The following IGF2BP2 variants were observed in gnomAD, a reference collection of about 807,000 sequenced individuals.
IGF2BP2 encodes the protein insulin like growth factor 2 mRNA binding protein 2.
Under a neutral mutation model 75.8 loss-of-function variants are expected in IGF2BP2, and 17 were observed. That is an observed-to-expected ratio of 0.22 (90% CI 0.15 to 0.34). The LOEUF (loss-of-function observed/expected upper bound fraction) is 0.34. Ranked by LOEUF, IGF2BP2 falls within the 10% of genes least tolerant of loss-of-function variation. IGF2BP2 has a pLI of 1.00. For synonymous variants in IGF2BP2, 288 were observed against 295.6 expected, an observed-to-expected ratio of 0.97 and a Z score of 0.26; for missense variants, 516 against 772.4, an observed-to-expected ratio of 0.67 and a Z score of 3.93.
intron 2 of IGF2BP2, chr3:185,716,755 G>A (rs1395382756): frequency 3.8e-6 from 2 of 519,896 alleles, no homozygotes; most frequent in East Asian, 1.1e-4. Context: ...CAGAATGGAA[G>A]TGGGAGGACA....
intron 2 of IGF2BP2, among the ~76,000 whole-genome samples, chr3:185,768,509 G>T (rs1457561454): frequency 6.6e-6 from 1 of 152,050 alleles, no homozygotes; most frequent in Non-Finnish European, 1.5e-5. Context: ...TTTTTAAAAG[G>T]TCCTTTAATA....
chr3:185,738,361 C>A (rs1231212628), intron 2 of IGF2BP2, among the ~76,000 whole-genome samples: 1 of 152,116 alleles, frequency 6.6e-6, no homozygotes, highest in Non-Finnish European at 1.5e-5. Flanking sequence ...AATTACAGAA[C>A]TAATTATAGA....
intron 2 of IGF2BP2, among the ~76,000 whole-genome samples, chr3:185,713,100 G>A (rs1725052988): frequency 6.6e-6 from 1 of 151,180 alleles, no homozygotes. Context: ...GTGTGTGTGT[G>A]TGCAAGAGAC....
intron 2 of IGF2BP2, among the ~76,000 whole-genome samples, chr3:185,752,943 T>G (rs1438261740): frequency 1.3e-5 from 2 of 152,154 alleles, no homozygotes; most frequent in African/African-American, 2.4e-5. Context: ...AAGTAAGACA[T>G]ACAAATTATT....
At chr3:185,686,992 G>C in intron 7 of IGF2BP2, 65 bp downstream of exon 7, 2 of 1,560,996 alleles carry the variant, frequency 1.3e-6, no homozygotes, top group South Asian at 2.4e-5. Flanking sequence ...AACCTCTTGG[G>C]TTAAATGAGG....
chr3:185,824,761 G>C, intron 1 of IGF2BP2, 22 bp downstream of exon 1: 1 of 1,301,576 alleles, frequency 7.7e-7, no homozygotes, highest in Non-Finnish European at 9.9e-7. Context: ...GGCGGGGGGA[G>C]GGGGCCGCGC....
intron 10 of IGF2BP2, among the ~76,000 whole-genome samples, chr3:185,668,345 T>C (rs1717964151): frequency 6.6e-6 from 1 of 152,040 alleles, no homozygotes; most frequent in Admixed American, 6.6e-5. Context: ...AATATGATTG[T>C]ATATATGCCG....
intron 2 of IGF2BP2, among the ~76,000 whole-genome samples, chr3:185,752,578 AAG>A (rs1731100363): frequency 2.0e-5 from 3 of 152,136 alleles, no homozygotes; most frequent in Non-Finnish European, 4.4e-5. Flanking sequence ...TAAAGGTAGT[AAG>A]AGCATAATTT....
chr3:185,793,700 T>A (rs7634540), intron 2 of IGF2BP2, among the ~76,000 whole-genome samples: 7,686 of 152,256 alleles, frequency 0.05, 262 homozygotes, highest in Non-Finnish European at 0.077. Context: ...CGGCCCATCC[T>A]GAGGCAGTAA....
At chr3:185,665,400 G>GGAGAAGGAGGAGGAA (rs1717271562) in intron 10 of IGF2BP2, among the ~76,000 whole-genome samples, 1 of 134,850 alleles carries the variant, frequency 7.4e-6, no homozygotes, top group South Asian at 2.5e-4. Context: ...AGGAGGAGGA[G>GGAGAAGGAGGAGGAA]GAGAAGGAAA....
chr3:185,699,797 T>C (rs531913721), intron 2 of IGF2BP2, among the ~76,000 whole-genome samples: 1 of 152,216 alleles, frequency 6.6e-6, no homozygotes, highest in Non-Finnish European at 1.5e-5. Flanking sequence ...ATCCATCCCC[T>C]ACTAATGGAC....
intron 2 of IGF2BP2, among the ~76,000 whole-genome samples, chr3:185,759,406 C>T (rs1732057441): frequency 6.6e-6 from 1 of 152,192 alleles, no homozygotes; most frequent in African/African-American, 2.4e-5. Context: ...AGGAAAAATG[C>T]CATTCTTTAG....
chr3:185,773,285 T>C (rs1449512124), intron 2 of IGF2BP2, among the ~76,000 whole-genome samples: 2 of 152,246 alleles, frequency 1.3e-5, no homozygotes, highest in South Asian at 2.1e-4. Flanking sequence ...CTTGTCTATA[T>C]TGTTAAGGAG....
intron 2 of IGF2BP2, among the ~76,000 whole-genome samples, chr3:185,790,871 T>G (rs1736555331): frequency 6.6e-6 from 1 of 152,254 alleles, no homozygotes; most frequent in African/African-American, 2.4e-5. Context: ...TAAGAATTAC[T>G]GTCTAATCAA....
intron 2 of IGF2BP2, among the ~76,000 whole-genome samples, chr3:185,780,131 AAAGT>A (rs1402637953): frequency 6.6e-6 from 1 of 152,226 alleles, no homozygotes; most frequent in Non-Finnish European, 1.5e-5. Context: ...ACAGTTGTTT[AAAGT>A]AAAAGAAAAG....
rs1577954163 is a variant in IGF2BP2 at position 185,682,834 on chromosome 3, C to T, written c.812+4223G>A. On this transcript the variant is annotated intron_variant, in intron 7 of 15. Coordinates refer to ENST00000382199, the MANE Select transcript of IGF2BP2 (RefSeq NM_006548.6). ...GTGGAGAAACTGAAACCCCTGTGCA[C>T]TGTTGGTGGGGTTGGAAAATGGAGC... Among the ~76,000 whole-genome samples the T allele has an allele frequency of 3.3e-5, 5 of 152,258 alleles. No individual in the cohort carries two copies. In the South Asian group the frequency reaches 8.3e-4, roughly 25 times the overall value.
chr3:185,743,273 TTTTA>T (rs1427038527), intron 2 of IGF2BP2, among the ~76,000 whole-genome samples: 2 of 152,094 alleles, frequency 1.3e-5, no homozygotes, highest in African/African-American at 2.4e-5. Context: ...ATTTTAATTT[TTTTA>T]TTTTTGTTTA....
At chr3:185,818,146 A>G (rs1198193330) in intron 2 of IGF2BP2, among the ~76,000 whole-genome samples, 1 of 152,220 alleles carries the variant, frequency 6.6e-6, no homozygotes, top group East Asian at 1.9e-4. Context: ...TGTGTTATGC[A>G]AAATACCATA....
At chr3:185,716,524 T>C in intron 2 of IGF2BP2, 1 of 520,160 alleles carries the variant, frequency 1.9e-6, no homozygotes, top group Non-Finnish European at 3.8e-6. Flanking sequence ...TGGGCTGCTT[T>C]ATCCTGTAGC....
Sources: allele counts gnomAD v4.1 joint callset (sites outside exome capture counted in the v4.1 genomes callset), GRCh38; gene constraint gnomAD v4.1.1; transcripts MANE v1.5; gene names NCBI Gene and HGNC (gene_info 2026-07-23, HGNC 2026-07-21).